Variants in SBK1 observed in about 807,000 individuals in gnomAD.
SBK1 encodes the protein SH3 domain binding kinase 1.
SBK1 carries 11 observed loss-of-function variants against 24.4 expected under a neutral mutation model. The ratio of observed to expected loss-of-function variants is 0.45; its 90% CI spans 0.28 to 0.75. The LOEUF (loss-of-function observed/expected upper bound fraction) is 0.75. Ranked by LOEUF, SBK1 falls within the 30% of genes least tolerant of loss-of-function variation. SBK1 has a pLI of 0.12. For synonymous variants in SBK1, 308 were observed against 284.4 expected (o/e 1.08, Z -0.83); for missense variants, 467 against 620.5 (o/e 0.75, Z 2.63).
intron 1 of SBK1, among the ~76,000 whole-genome samples, chr16:28,274,449 A>G (rs1478966892): frequency 6.6e-6 from 1 of 152,180 alleles, no homozygotes; most frequent in Non-Finnish European, 1.5e-5. Flanking sequence ...CTGGAGTCCA[A>G]GACCAGCCTG....
Position 28,292,530 on chromosome 16 carries a change from C to G in SBK1, c.-778C>G, listed in dbSNP as rs1482574379. ...TGGCTGGAGGGCGGAGCCGCGATGC[C>G]GCGATGGAGCGCAGCCCGGGCGGGC... On this transcript the variant is annotated 5_prime_UTR_variant, in exon 1 of 4. Coordinates refer to ENST00000341901, the MANE Select transcript of SBK1 (RefSeq NM_001024401.3). 1.0e-6 allele frequency: 1 copy of G among 978,168 alleles called. No homozygotes were observed. Among genetic ancestry groups the G allele is most frequent in the Non-Finnish European group, 1.2e-6 (1 of 826,982 alleles). The allele number at this position is 978,168 out of a possible 1,614,324, so 60.6% of individuals were successfully genotyped here. A position where few individuals can be genotyped will look rare whatever the true frequency, so the allele number is the denominator to read the frequency against.
At chr16:28,277,934 CTT>C (rs911096559) in intron 1 of SBK1, among the ~76,000 whole-genome samples, 3 of 152,260 alleles carry the variant, frequency 2.0e-5, no homozygotes, top group Admixed American at 2.0e-4. Context: ...GACAAAGTCT[CTT>C]GTTTAGCCAC....
At chr16:28,288,810 A>G (rs901872120), upstream of SBK1, among the ~76,000 whole-genome samples, 1 of 152,172 alleles carries the variant, frequency 6.6e-6, no homozygotes, top group Non-Finnish European at 1.5e-5. Context: ...GAACACATGG[A>G]GTCCAAAGTT....
upstream of SBK1, among the ~76,000 whole-genome samples, chr16:28,289,893 C>T (rs1259552612): frequency 2.0e-5 from 3 of 151,984 alleles, no homozygotes; most frequent in African/African-American, 7.2e-5. Context: ...CAAGACCAGC[C>T]TGGGCAACAT....
intron 1 of SBK1, among the ~76,000 whole-genome samples, chr16:28,270,517 C>T (rs1477569755): frequency 6.6e-6 from 1 of 151,950 alleles, no homozygotes; most frequent in Non-Finnish European, 1.5e-5. Flanking sequence ...TCTCAACCTC[C>T]TGAGCCCAAA....
chr16:28,319,029 C>T lies in SBK1; in HGVS notation c.261C>T (p.Ser87=), dbSNP rs757814283. The T allele has an allele frequency of 1.9e-6, 3 of 1,614,146 alleles. No individual in the cohort carries two copies. Among genetic ancestry groups the T allele is most frequent in the South Asian group, 1.1e-5 (1 of 91,084 alleles). ...TKMALKFVNK[S]KTKLKNFLRE... is the part of the protein sequence containing the mutation. ...TGGCACTGAAGTTTGTGAACAAGAG[C>T]AAAACCAAGCTGAAGAACTTCCTAC... Residue 87 remains serine, a synonymous_variant, in exon 3 of 4, where the codon AGC becomes AGT. Coordinates refer to ENST00000341901, the MANE Select transcript of SBK1 (RefSeq NM_001024401.3). This position sits in a 1 kb window ranked among gnomAD's most constrained non-coding sequence, Gnocchi z 4.0.
At chr16:28,287,365 C>T (rs1474388626) in intron 1 of SBK1, among the ~76,000 whole-genome samples, 1 of 150,028 alleles carries the variant, frequency 6.7e-6, no homozygotes, top group Non-Finnish European at 1.5e-5. Flanking sequence ...AAGAGAACTG[C>T]TCGAACCTGG....
Position 28,262,702 on chromosome 16 carries a change from G to T in SBK1, c.257+3200G>T, listed in dbSNP as rs546125946. Among the ~76,000 whole-genome samples, 3 of 152,350 alleles carry T rather than the reference G, an allele frequency of 2.0e-5. No individual in the cohort carries two copies. The South Asian group carries it at 6.2e-4, about 32-fold the overall frequency. Reference sequence around the variant, plus strand: ...AGACAGCCCCACAGAAAACACATCTGCATTTGATGAAAATTTGTCAGCAAA... The same window carrying T: ...AGACAGCCCCACAGAAAACACATCTTCATTTGATGAAAATTTGTCAGCAAA... On this transcript the variant is annotated intron_variant, in intron 1 of 3. Transcript: ENST00000671413.
intron 1 of SBK1, among the ~76,000 whole-genome samples, chr16:28,311,854 G>A (rs2141587310): frequency 6.6e-6 from 1 of 152,364 alleles, no homozygotes; most frequent in Middle Eastern, 3.4e-3. Context: ...ATCCAGCCCA[G>A]CCCTTCCCAG....
Position 28,323,082 on chromosome 16 carries a change from T to C in SBK1, c.*2161T>C, listed in dbSNP as rs1299929696. On this transcript the variant is annotated 3_prime_UTR_variant, in exon 4 of 4. Coordinates refer to ENST00000341901, the MANE Select transcript of SBK1 (RefSeq NM_001024401.3). The stretch of plus-strand genomic sequence containing the variant: ...TAGAGTTGGGAGGGGACCATAGTTA[T>C]GTAGCCCAGCCCCCTCATTCCCAGA... 1 of 143,508 alleles carries C rather than the reference T, an allele frequency of 7.0e-6. No homozygotes were observed. The highest frequency in any genetic ancestry group is 2.0e-4 in the East Asian group (1 of 4,924). The allele number at this position is 143,508 out of a possible 1,614,324, so 8.9% of individuals were successfully genotyped here.
intron 1 of SBK1, among the ~76,000 whole-genome samples, chr16:28,273,307 G>A (rs911924062): frequency 6.6e-6 from 1 of 151,446 alleles, no homozygotes; most frequent in Admixed American, 6.6e-5. Context: ...TGCAACTTCC[G>A]CCTCCTGGGT....
chr16:28,289,990 G>A (rs2044588902), upstream of SBK1, among the ~76,000 whole-genome samples: 1 of 151,926 alleles, frequency 6.6e-6, no homozygotes, highest in African/African-American at 2.4e-5. Context: ...GGGGGCTGAG[G>A]TGGGAGGATC....
chr16:28,310,174 G>A (rs975018323), intron 1 of SBK1, among the ~76,000 whole-genome samples: 4 of 152,160 alleles, frequency 2.6e-5, no homozygotes, highest in Non-Finnish European at 5.9e-5. Flanking sequence ...CCTCAGGGCC[G>A]GTGAGGACAC....
At chr16:28,314,120 CTGT>C (rs577138837) in intron 1 of SBK1, among the ~76,000 whole-genome samples, 117 of 147,724 alleles carry the variant, frequency 7.9e-4, no homozygotes, top group Non-Finnish European at 1.1e-3. Flanking sequence ...GGAGAAGGCA[CTGT>C]TGTTGTTGTT....
intron 1 of SBK1, among the ~76,000 whole-genome samples, chr16:28,280,110 A>G (rs2044520419): frequency 1.4e-5 from 1 of 73,880 alleles, no homozygotes; most frequent in Admixed American, 1.8e-4. Context: ...CTAATTTGAA[A>G]AAAACTATAT....
chr16:28,315,756 G>A (rs886927008), intron 1 of SBK1, among the ~76,000 whole-genome samples: 1 of 152,076 alleles, frequency 6.6e-6, no homozygotes, highest in South Asian at 2.1e-4. Flanking sequence ...GCAAGACCCT[G>A]TCTCAATACA....
intron 1 of SBK1, among the ~76,000 whole-genome samples, chr16:28,298,073 G>C (rs1015706890): frequency 6.6e-6 from 1 of 152,202 alleles, no homozygotes; most frequent in Non-Finnish European, 1.5e-5. Flanking sequence ...CAGAAGGATG[G>C]GCCCCAGGCC....
In SBK1 at chr16:28,320,468, G is replaced by A. The variant is rs985005110; in HGVS notation, c.822G>A (p.Leu274=). The A allele has an allele frequency of 1.9e-6, 3 of 1,574,300 alleles. No homozygotes were observed. Among genetic ancestry groups the A allele is most frequent in the Non-Finnish European group, 2.6e-6 (3 of 1,167,350 alleles). ...EEFVRWQRGR[L]PGLPSQWRRF... is the part of the protein sequence containing the mutation. ...TCGTGCGCTGGCAGCGGGGCCGCCT[G>A]CCGGGGCTGCCTTCGCAGTGGCGCC... The change falls in exon 4 of 4, where the codon CTG becomes CTA. Residue 274 remains leucine (L), a synonymous_variant. Transcript: ENST00000341901. This position sits in a 1 kb window ranked among gnomAD's most constrained non-coding sequence, Gnocchi z 8.5.
chr16:28,300,529 G>A (rs529159870), intron 1 of SBK1, among the ~76,000 whole-genome samples: 2 of 151,870 alleles, frequency 1.3e-5, no homozygotes, highest in South Asian at 4.2e-4. Flanking sequence ...TTGCTATGTT[G>A]CCCAGGCTCA....
Sources: allele counts gnomAD v4.1 joint callset (sites outside exome capture counted in the v4.1 genomes callset), GRCh38; gene constraint gnomAD v4.1.1; non-coding constraint Gnocchi (gnomAD v3.1); transcripts MANE v1.5; gene names NCBI Gene and HGNC (gene_info 2026-07-23, HGNC 2026-07-21).